MEP1A: variants seen among roughly 807,000 people sequenced by gnomAD.
The protein encoded by MEP1A is N-benzoyl-L-tyrosyl-P-amino-benzoic acid hydrolase subunit alpha.
Under a neutral mutation model 84.5 loss-of-function variants are expected in MEP1A, and 68 were observed. The ratio of observed to expected loss-of-function variants is 0.80; its 90% CI spans 0.66 to 0.98. The LOEUF (loss-of-function observed/expected upper bound fraction) is 0.98, where lower values mean the gene tolerates loss of function less well. Among genes scored for constraint, MEP1A ranks in the 50% least tolerant of loss-of-function variants. The pLI is 0.00. For missense variants in MEP1A, 887 were observed against 919.9 expected (o/e 0.96, Z 0.46); for synonymous variants, 337 against 336.8 (o/e 1.00, Z -0.01).
At chr6:46,825,631 TG>T in intron 8 of MEP1A, 138 bp downstream of exon 8, 1 of 672,680 alleles carries the variant, frequency 1.5e-6, no homozygotes, top group Non-Finnish European at 2.5e-6. Context: ...GCGTAACTTT[TG>T]TTGGTCTACC....
intron 3 of MEP1A, among the ~76,000 whole-genome samples, chr6:46,797,760 G>GTCTTTCTTTCTTTTTCTT (rs1562102470): frequency 2.6e-5 from 4 of 151,208 alleles, no homozygotes; most frequent in Admixed American, 6.6e-5. Context: ...TCTCTCAATA[G>GTCTTTCTTTCTTTTTCTT]TCTTTCTTTC....
rs759667698 is a variant in MEP1A at position 46,793,586 on chromosome 6, A to C, written c.94+10A>C. 4.5e-6 allele frequency: 7 copies of C among 1,553,462 alleles called. No homozygotes were observed. The highest frequency in any genetic ancestry group is 6.2e-6 in the Non-Finnish European group (7 of 1,135,982). The stretch of plus-strand genomic sequence containing the variant: ...CTTCCTGAAGAAAATGGTAAGAATT[A>C]GTTCAAATGCACAGAGAGTGTTTTT... On this transcript the variant is annotated intron_variant, in intron 2 of 13. Coordinates refer to ENST00000230588, the MANE Select transcript of MEP1A (RefSeq NM_005588.3).
intron 6 of MEP1A, 139 bp from the exon 7 acceptor site, chr6:46,819,390 A>G: frequency 1.5e-6 from 1 of 669,492 alleles, no homozygotes; most frequent in Non-Finnish European, 2.5e-6. Flanking sequence ...TCTTTGGACC[A>G]TTAGCATATG....
At chr6:46,832,106 T>C (rs1768090674) in intron 10 of MEP1A, among the ~76,000 whole-genome samples, 1 of 152,178 alleles carries the variant, frequency 6.6e-6, no homozygotes, top group Non-Finnish European at 1.5e-5. Context: ...TATAAGTAGA[T>C]ATCTGGTTAA....
chr6:46,840,372 G>A (rs963364199), downstream of MEP1A, among the ~76,000 whole-genome samples: 3 of 152,160 alleles, frequency 2.0e-5, no homozygotes, highest in African/African-American at 7.2e-5. Context: ...TTCTGGGTCA[G>A]TAGATCTAGG....
At chr6:46,796,328 C>T (rs1767050902) in intron 3 of MEP1A, among the ~76,000 whole-genome samples, 1 of 152,088 alleles carries the variant, frequency 6.6e-6, no homozygotes, top group African/African-American at 2.4e-5. Context: ...GCCTCTACCT[C>T]CCCTACTCTT....
intron 7 of MEP1A, among the ~76,000 whole-genome samples, chr6:46,820,166 TAAAAAC>T (rs956049855): frequency 6.6e-5 from 10 of 152,162 alleles, no homozygotes; most frequent in African/African-American, 2.4e-4. Flanking sequence ...AAAAAATGTT[TAAAAAC>T]AAAAACAAAA....
intron 13 of MEP1A, among the ~76,000 whole-genome samples, chr6:46,835,767 C>A (rs1309080796): frequency 6.6e-6 from 1 of 152,150 alleles, no homozygotes; most frequent in Non-Finnish European, 1.5e-5. Context: ...TTGACTTTCA[C>A]CCCTTTTCCC....
intron 5 of MEP1A, among the ~76,000 whole-genome samples, chr6:46,803,632 G>C (rs1276959415): frequency 6.6e-6 from 1 of 151,230 alleles, no homozygotes; most frequent in African/African-American, 2.4e-5. Flanking sequence ...TTCAGGTTTA[G>C]TTTACTCTTC....
intron 5 of MEP1A, among the ~76,000 whole-genome samples, chr6:46,802,422 T>C: frequency 6.6e-6 from 1 of 151,990 alleles, no homozygotes; most frequent in East Asian, 1.9e-4. Flanking sequence ...ATATTGATTT[T>C]GTATTCTGTT....
chr6:46,803,857 T>C (rs1767251485), intron 5 of MEP1A, among the ~76,000 whole-genome samples: 2 of 151,646 alleles, frequency 1.3e-5, no homozygotes. Context: ...TTTTCATCCA[T>C]GGATGGGATA....
At chr6:46,814,762 C>A (rs953166926) in intron 6 of MEP1A, among the ~76,000 whole-genome samples, 2 of 152,064 alleles carry the variant, frequency 1.3e-5, no homozygotes, top group Non-Finnish European at 2.9e-5. Context: ...GTGTTCTCCC[C>A]CTTCCCCTAG....
chr6:46,836,793 AT>A (rs71536390), intron 13 of MEP1A, among the ~76,000 whole-genome samples: 45,892 of 141,940 alleles, frequency 0.32, 7,831 homozygotes, highest in African/African-American at 0.47. Flanking sequence ...CTGGTCAGGG[AT>A]TTTTTTTTTT....
chr6:46,793,577 G>A lies in MEP1A; in HGVS notation c.94+1G>A. On this transcript the variant is annotated splice_donor_variant, in intron 2 of 13. Coordinates refer to ENST00000230588, the MANE Select transcript of MEP1A (RefSeq NM_005588.3). LOFTEE classifies it high-confidence loss of function. ...ATTAAGTATCTTCCTGAAGAAAATG[G>A]TAAGAATTAGTTCAAATGCACAGAG... is the stretch of plus-strand genomic sequence containing the variant. 3 of 1,548,580 alleles carry A rather than the reference G, an allele frequency of 1.9e-6. No homozygotes were observed. The highest frequency in any genetic ancestry group is 2.6e-6 in the Non-Finnish European group (3 of 1,133,056).
chr6:46,841,858 G>A (rs1275509828), downstream of MEP1A, among the ~76,000 whole-genome samples: 2 of 152,192 alleles, frequency 1.3e-5, no homozygotes, highest in East Asian at 3.9e-4. Flanking sequence ...ACTAAATTCT[G>A]CTACACCTTC....
intron 7 of MEP1A, among the ~76,000 whole-genome samples, chr6:46,821,618 T>C (rs1181852628): frequency 2.0e-5 from 3 of 152,200 alleles, no homozygotes; most frequent in Non-Finnish European, 1.5e-5. Context: ...TGGGCTTTGA[T>C]GAAAATGTTG....
At chr6:46,825,198 T>G in intron 7 of MEP1A, 74 bp from the exon 8 acceptor site, 1 of 805,774 alleles carries the variant, frequency 1.2e-6, no homozygotes, top group East Asian at 2.7e-5. Flanking sequence ...GGAGGGTCTC[T>G]GGGTATCTAG....
Position 46,829,448 on chromosome 6 carries a change from C to T in MEP1A, c.1021C>T (p.Gln341Ter). The T allele has an allele frequency of 6.2e-7, 1 of 1,614,138 alleles. No individual in the cohort carries two copies. The change falls in exon 10 of 14, where the codon CAG (glutamine) becomes TAG (stop). Residue 341 changes from glutamine to a stop codon, truncating the protein, a stop_gained. Coordinates refer to ENST00000230588, the MANE Select transcript of MEP1A (RefSeq NM_005588.3). LOFTEE classifies it high-confidence loss of function. ...ESRILYPKRK[Q>*]QCLQFFYKMT... ...TCGGATTCTTTACCCAAAGAGGAAG[C>T]AGCAGTGCCTGCAATTTTTCTATAA...
intron 6 of MEP1A, among the ~76,000 whole-genome samples, chr6:46,810,173 G>T (rs921436223): frequency 6.6e-6 from 1 of 151,814 alleles, no homozygotes; most frequent in Non-Finnish European, 1.5e-5. Flanking sequence ...CAAGAGTAAG[G>T]TCGTATCACA....
Sources: gnomAD v4.1 joint callset for allele counts (sites outside exome capture counted in the v4.1 genomes callset) on GRCh38, gnomAD v4.1.1 for gene constraint, MANE v1.5 for transcripts, NCBI Gene and HGNC (gene_info 2026-07-23, HGNC 2026-07-21) for gene names.